The following CCDC178 variants were observed in gnomAD, a reference collection of about 807,000 sequenced individuals.
The protein encoded by CCDC178 is coiled-coil domain-containing protein 178.
In CCDC178, 126 loss-of-function variants were observed where a neutral mutation model predicts 117.4. That is an observed-to-expected ratio of 1.07 (90% CI 0.93 to 1.24). CCDC178 has a LOEUF of 1.24. Ranked by LOEUF, CCDC178 falls within the 50% of genes most tolerant of loss-of-function variation. The pLI is 0.00. For synonymous variants in CCDC178, 283 were observed against 313.4 expected (o/e 0.90, Z 1.02); for missense variants, 1,030 against 986.9 (o/e 1.04, Z -0.59).
At chr18:33,223,041 G>A in intron 18 of CCDC178, 65 bp downstream of exon 18, 1 of 1,207,942 alleles carries the variant, frequency 8.3e-7, no homozygotes, top group South Asian at 1.4e-5. Context: ...AAACTTGCTT[G>A]AATAGTTTTC....
chr18:33,288,813 A>C (rs1203895698), intron 12 of CCDC178, among the ~76,000 whole-genome samples: 1 of 152,208 alleles, frequency 6.6e-6, no homozygotes, highest in Admixed American at 6.5e-5. Context: ...GAACAGTGTC[A>C]AACAGACATT....
intron 20 of CCDC178, among the ~76,000 whole-genome samples, chr18:33,202,259 G>A (rs947998778): frequency 4.0e-5 from 6 of 151,812 alleles, no homozygotes; most frequent in African/African-American, 1.5e-4. Context: ...GGGCGTGGTG[G>A]TGCGCACCTG....
Position 33,373,999 on chromosome 18 carries a change from C to A in CCDC178, c.209-3810G>T, listed in dbSNP as rs147214569. On this transcript the variant is annotated intron_variant, in intron 5 of 22. Coordinates refer to ENST00000383096, the MANE Select transcript of CCDC178 (RefSeq NM_001105528.4). ...AATGGGCAGTTCAAGGTTTTCATTT[C>A]TGAGAAAAGGGAAATTGATAAGGTG... Among the ~76,000 whole-genome samples, 568 of 152,232 alleles carry A rather than the reference C, an allele frequency of 3.7e-3. 14 individuals carry two copies. Among genetic ancestry groups the A allele is most frequent in the Admixed American group, 0.032 (490 of 15,282 alleles).
At chr18:33,302,020 G>A (rs1175428784) in intron 11 of CCDC178, among the ~76,000 whole-genome samples, 1 of 152,166 alleles carries the variant, frequency 6.6e-6, no homozygotes, top group Non-Finnish European at 1.5e-5. Context: ...ATGCTGGGAG[G>A]TGTTTTGGTC....
intron 22 of CCDC178, among the ~76,000 whole-genome samples, chr18:32,940,104 T>G (rs1242220203): frequency 1.3e-5 from 2 of 152,062 alleles, no homozygotes; most frequent in East Asian, 1.9e-4. Context: ...TGGCAGAGTT[T>G]TTTTTCATAT....
chr18:33,179,851 C>A (rs1346540366), intron 20 of CCDC178, among the ~76,000 whole-genome samples: 1 of 151,920 alleles, frequency 6.6e-6, no homozygotes, highest in Non-Finnish European at 1.5e-5. Context: ...GTTTTAACAC[C>A]GCTAGTCTAC....
chr18:33,131,596 T>C (rs1203242258), intron 20 of CCDC178, among the ~76,000 whole-genome samples: 1 of 151,796 alleles, frequency 6.6e-6, no homozygotes, highest in African/African-American at 2.4e-5. Context: ...TTTAATATAC[T>C]TACCCACCAA....
In CCDC178 at chr18:33,389,598, A is replaced by T. The variant is rs758522092; in HGVS notation, c.150T>A (p.Tyr50Ter). ...CTTCACTGTTCTCCTTAGAGGCTCCATATAGAACCAAACTTTGAGACATGG... is the reference window on the plus strand; with the variant it reads ...CTTCACTGTTCTCCTTAGAGGCTCCTTATAGAACCAAACTTTGAGACATGG... ...GNAMSQSLVL[Y>*]GASKENSEGF... The change falls in exon 5 of 23, where the codon TAT becomes TAA. Residue 50 changes from tyrosine to a stop codon, truncating the protein, a stop_gained. Coordinates refer to ENST00000383096, the MANE Select transcript of CCDC178 (RefSeq NM_001105528.4). LOFTEE classifies it high-confidence loss of function. 5 of 1,521,126 alleles carry T rather than the reference A, an allele frequency of 3.3e-6. No individual in the cohort carries two copies. The highest frequency in any genetic ancestry group is 4.4e-6 in the Non-Finnish European group (5 of 1,137,546). The allele number at this position is 1,521,126 out of a possible 1,614,324, so 94.2% of individuals were successfully genotyped here.
chr18:33,235,932 T>G (rs1164681195), intron 15 of CCDC178, among the ~76,000 whole-genome samples: 1 of 152,170 alleles, frequency 6.6e-6, no homozygotes, highest in Admixed American at 6.5e-5. Context: ...AATAGGTCAG[T>G]TATTGGAATT....
chr18:32,994,559 A>T (rs978225667), intron 21 of CCDC178, among the ~76,000 whole-genome samples: 38 of 152,312 alleles, frequency 2.5e-4, no homozygotes, highest in African/African-American at 8.2e-4. Flanking sequence ...TAAGTAATGA[A>T]ATTCAAAGGG....
At chr18:32,943,013 G>GT (rs910386475) in intron 22 of CCDC178, among the ~76,000 whole-genome samples, 31 of 152,240 alleles carry the variant, frequency 2.0e-4, no homozygotes, top group African/African-American at 7.0e-4. Flanking sequence ...TTCCAAAAAA[G>GT]TAAGTTAGAA....
chr18:33,147,356 A>ATTTTTTTTTTTTT lies in CCDC178; in HGVS notation c.2239-54459_2239-54447dup, dbSNP rs575608507. The stretch of plus-strand genomic sequence containing the variant: ...CTACTCCTGCAAGCTTGCCTTTTTA[A>ATTTTTTTTTTTTT]TTTTTTTTTTTTTTTTTTTTTTTTT... On this transcript the variant is annotated intron_variant, in intron 20 of 22. Coordinates refer to ENST00000383096, the MANE Select transcript of CCDC178 (RefSeq NM_001105528.4). 4.4e-3 allele frequency among the ~76,000 whole-genome samples: 413 copies of ATTTTTTTTTTTTT among 94,548 alleles called. 3 individuals are homozygous for ATTTTTTTTTTTTT. The highest frequency in any genetic ancestry group is 0.011 in the African/African-American group (231 of 21,298). 62.0% of individuals were successfully genotyped at this position (94,548 alleles called of 152,430 possible). A position where few individuals can be genotyped will look rare whatever the true frequency, so the allele number is the denominator to read the frequency against.
At chr18:33,208,297 T>A (rs1485032258) in intron 20 of CCDC178, among the ~76,000 whole-genome samples, 1 of 152,070 alleles carries the variant, frequency 6.6e-6, no homozygotes, top group Non-Finnish European at 1.5e-5. Flanking sequence ...AATCCATTGG[T>A]CAGCTCCCCT....
At chr18:33,140,784 G>T (rs1399484411) in intron 20 of CCDC178, among the ~76,000 whole-genome samples, 1 of 152,144 alleles carries the variant, frequency 6.6e-6, no homozygotes, top group Non-Finnish European at 1.5e-5. Flanking sequence ...AGGCATGATT[G>T]GTTTTGAAAT....
chr18:33,132,522 A>C (rs1010903250), intron 20 of CCDC178, among the ~76,000 whole-genome samples: 29 of 151,844 alleles, frequency 1.9e-4, no homozygotes, highest in African/African-American at 6.5e-4. Context: ...TTATAAAATT[A>C]TCCATAGTTT....
intron 14 of CCDC178, among the ~76,000 whole-genome samples, chr18:33,257,611 A>G (rs1179541078): frequency 6.6e-6 from 1 of 152,080 alleles, no homozygotes; most frequent in Non-Finnish European, 1.5e-5. Context: ...TCTTCATTTA[A>G]AAGATGTGAG....
In CCDC178 at chr18:33,029,445, C is replaced by T. The variant is rs904537052; in HGVS notation, c.2389-54764G>A. On this transcript the variant is annotated intron_variant, in intron 21 of 22. Coordinates refer to ENST00000383096, the MANE Select transcript of CCDC178 (RefSeq NM_001105528.4). ...GTTTTGTCAATTTTGTTGGTCTCTT[C>T]GAAGAATCAGTTTTTTGATTTCACT... Among the ~76,000 whole-genome samples, 6 of 151,756 alleles carry T rather than the reference C, an allele frequency of 4.0e-5. No homozygotes were observed. In the South Asian group the frequency reaches 6.2e-4, roughly 16 times the overall value.
chr18:33,232,388 C>A (rs145912515), intron 15 of CCDC178, among the ~76,000 whole-genome samples: 272 of 152,306 alleles, frequency 1.8e-3, no homozygotes, highest in African/African-American at 6.1e-3. Context: ...GCTTCAGTTT[C>A]ATTTCCAGTG....
intron 20 of CCDC178, among the ~76,000 whole-genome samples, chr18:33,098,333 A>G (rs957395520): frequency 6.6e-6 from 1 of 152,052 alleles, no homozygotes; most frequent in Non-Finnish European, 1.5e-5. Context: ...TTCTTAATGT[A>G]GGCATTTGGA....
Sources: gnomAD v4.1 joint callset for allele counts (sites outside exome capture counted in the v4.1 genomes callset) on GRCh38, gnomAD v4.1.1 for gene constraint, MANE v1.5 for transcripts, NCBI Gene and HGNC (gene_info 2026-07-23, HGNC 2026-07-21) for gene names.